GAN: variants seen among roughly 807,000 people sequenced by gnomAD.
GAN encodes the protein epididymis secretory sperm binding protein.
GAN carries 48 observed loss-of-function variants against 71.3 expected under a neutral mutation model. The ratio of observed to expected loss-of-function variants is 0.67; its 90% CI spans 0.53 to 0.86. The LOEUF (loss-of-function observed/expected upper bound fraction) is 0.86, where lower values mean the gene tolerates loss of function less well. Among genes scored for constraint, GAN ranks in the 40% least tolerant of loss-of-function variants. GAN has a pLI of 0.00. For missense variants in GAN, 928 were observed against 770.1 expected, an observed-to-expected ratio of 1.21 and a Z score of -2.43; for synonymous variants, 386 against 276.8, an observed-to-expected ratio of 1.39 and a Z score of -3.92.
chr16:81,364,504 C>T (rs866437710), intron 7 of GAN, among the ~76,000 whole-genome samples: 16 of 152,064 alleles, frequency 1.1e-4, no homozygotes, highest in Admixed American at 2.6e-4. Context: ...TAGGCTGAAG[C>T]GATCCCCCAT....
At chr16:81,327,508 G>A (rs988856405) in intron 1 of GAN, among the ~76,000 whole-genome samples, 9 of 152,158 alleles carry the variant, frequency 5.9e-5, no homozygotes, top group African/African-American at 2.2e-4. Flanking sequence ...TTAATGCTTC[G>A]GTTTGAACTA....
rs116049879 is a variant in GAN at position 81,319,332 on chromosome 16, G to C, written c.167+4052G>C. Among the ~76,000 whole-genome samples the C allele has an allele frequency of 7.0e-3, 1,055 of 151,766 alleles. 19 individuals are homozygous for C. Among genetic ancestry groups the C allele is most frequent in the African/African-American group, 0.024 (1,007 of 41,352 alleles). On this transcript the variant is annotated intron_variant, in intron 1 of 10. Coordinates refer to ENST00000648994, the MANE Select transcript of GAN (RefSeq NM_022041.4). ...GACCTTCTGGGGAAAGCTCCCTGCGGCTTGCAGGAAATTTATTTTTCTTTT... is the reference window on the plus strand; with the variant it reads ...GACCTTCTGGGGAAAGCTCCCTGCGCCTTGCAGGAAATTTATTTTTCTTTT...
intron 1 of GAN, among the ~76,000 whole-genome samples, chr16:81,350,303 G>A (rs1910256761): frequency 6.6e-6 from 1 of 152,144 alleles, no homozygotes; most frequent in South Asian, 2.1e-4. Flanking sequence ...GATAACCACA[G>A]TGAGATACCA....
At chr16:81,345,853 G>A (rs1910100980) in intron 1 of GAN, among the ~76,000 whole-genome samples, 1 of 152,196 alleles carries the variant, frequency 6.6e-6, no homozygotes, top group Admixed American at 6.5e-5. Context: ...CAGGAGTTCT[G>A]GGGATGGTTT....
chr16:81,328,293 A>T (rs1191579462), intron 1 of GAN, among the ~76,000 whole-genome samples: 1 of 152,212 alleles, frequency 6.6e-6, no homozygotes, highest in African/African-American at 2.4e-5. Context: ...TTTACCTGTT[A>T]TTTACAGTTC....
At chr16:81,350,073 G>C (rs972345433) in intron 1 of GAN, among the ~76,000 whole-genome samples, 4 of 151,764 alleles carry the variant, frequency 2.6e-5, no homozygotes, top group Non-Finnish European at 5.9e-5. Flanking sequence ...GTTTGTTTAA[G>C]AAGTCTTTTT....
chr16:81,369,489 T>C (rs1391101701), intron 9 of GAN, among the ~76,000 whole-genome samples: 1 of 152,270 alleles, frequency 6.6e-6, no homozygotes, highest in Non-Finnish European at 1.5e-5. Flanking sequence ...ATGTTATCAA[T>C]TTTAAAATGT....
At chr16:81,357,710 T>C in intron 4 of GAN, 100 bp from the exon 5 acceptor site, 2 of 1,154,842 alleles carry the variant, frequency 1.7e-6, no homozygotes, top group Admixed American at 1.7e-5. Flanking sequence ...TTTTAAAAAA[T>C]GTTTTAAATA....
At chr16:81,319,399 G>A (rs937280791) in intron 1 of GAN, among the ~76,000 whole-genome samples, 2 of 151,666 alleles carry the variant, frequency 1.3e-5, no homozygotes, top group African/African-American at 4.8e-5. Flanking sequence ...AGGCTCTTCC[G>A]ATTCTGGCAC....
At position 81,356,663 on chromosome 16, in the gene GAN, C is replaced by T. The variant is rs150387723; in HGVS notation, c.634-122C>T. On this transcript the variant is annotated intron_variant, in intron 3 of 10. Coordinates refer to ENST00000648994, the MANE Select transcript of GAN (RefSeq NM_022041.4). ...ATTCAAGCAGCACGAGTGTGTCTCA[C>T]TTGCCTGGTAATAACCTGAGTGTTA... 4 of 785,800 alleles carry T rather than the reference C, an allele frequency of 5.1e-6. 1 individual carries two copies. The highest frequency in any genetic ancestry group is 3.5e-5 in the Admixed American group (2 of 56,992). 48.7% of individuals were successfully genotyped at this position (785,800 alleles called of 1,614,324 possible).
intron 9 of GAN, among the ~76,000 whole-genome samples, chr16:81,373,289 C>A (rs554969804): frequency 9.9e-5 from 15 of 152,268 alleles, no homozygotes; most frequent in Non-Finnish European, 5.9e-5. Context: ...ACTCTTAAGA[C>A]CATTTAGATG....
Position 81,384,940 on chromosome 16 carries a change from A to T in GAN, c.*7344A>T, listed in dbSNP as rs1159349734. On this transcript the variant is annotated 3_prime_UTR_variant, in exon 11 of 11. Coordinates refer to ENST00000648994, the MANE Select transcript of GAN (RefSeq NM_022041.4). ...GATCTTGTAATAATGGCCCAGTTTCAGGGCACAGTTGTACACATTCTACTT... is the reference window on the plus strand; with the variant it reads ...GATCTTGTAATAATGGCCCAGTTTCTGGGCACAGTTGTACACATTCTACTT... 6.5e-6 allele frequency: 1 copy of T among 154,308 alleles called. No homozygotes were observed. Among genetic ancestry groups the T allele is most frequent in the Admixed American group, 6.5e-5 (1 of 15,282 alleles). The allele number at this position is 154,308 out of a possible 1,614,324, so 9.6% of individuals were successfully genotyped here.
intron 1 of GAN, among the ~76,000 whole-genome samples, chr16:81,350,765 C>G (rs921532498): frequency 6.6e-6 from 1 of 152,170 alleles, no homozygotes; most frequent in East Asian, 1.9e-4. Context: ...GTGAGCTACC[C>G]ACCTCGGCCT....
In GAN at chr16:81,363,785, T is replaced by C; in HGVS notation, c.1087-9T>C. ...CTTGTGTGTTCAGGGATCGCTAATGTAATTTCAGGCAAGACATAACTTCGG... is the reference window on the plus strand; with the variant it reads ...CTTGTGTGTTCAGGGATCGCTAATGCAATTTCAGGCAAGACATAACTTCGG... On this transcript the variant is annotated splice_polypyrimidine_tract_variant and intron_variant, in intron 6 of 10. Coordinates refer to ENST00000648994, the MANE Select transcript of GAN (RefSeq NM_022041.4). 1 of 1,612,890 alleles carries C rather than the reference T, an allele frequency of 6.2e-7. No homozygotes were observed. Among genetic ancestry groups the C allele is most frequent in the Non-Finnish European group, 8.5e-7 (1 of 1,178,858 alleles).
At chr16:81,323,385 G>C (rs1036779113) in intron 1 of GAN, among the ~76,000 whole-genome samples, 1 of 152,138 alleles carries the variant, frequency 6.6e-6, no homozygotes, top group African/African-American at 2.4e-5. Flanking sequence ...AGCAAAAGAG[G>C]TTACCATTTC....
intron 6 of GAN, among the ~76,000 whole-genome samples, chr16:81,363,549 T>TA (rs1910747744): frequency 6.6e-6 from 1 of 152,206 alleles, no homozygotes; most frequent in African/African-American, 2.4e-5. Flanking sequence ...GCAGGTTTGT[T>TA]ATGTGTGTAT....
At chr16:81,318,083 T>C (rs565976198) in intron 1 of GAN, among the ~76,000 whole-genome samples, 1 of 152,344 alleles carries the variant, frequency 6.6e-6, no homozygotes, top group Non-Finnish European at 1.5e-5. Flanking sequence ...TACTGGTAAT[T>C]TTAATACCAA....
chr16:81,364,649 A>T (rs1910788825), intron 7 of GAN, among the ~76,000 whole-genome samples: 1 of 152,168 alleles, frequency 6.6e-6, no homozygotes, highest in South Asian at 2.1e-4. Context: ...TGATGGCACC[A>T]CTGCACTCCA....
chr16:81,319,206 T>TTATATATATATATATA lies in GAN; in HGVS notation c.167+3930_167+3945dup, dbSNP rs57681055. 8.2e-3 allele frequency among the ~76,000 whole-genome samples: 1,139 copies of TTATATATATATATATA among 138,648 alleles called. 20 individuals carry two copies. The highest frequency in any genetic ancestry group is 0.036 in the Admixed American group (493 of 13,704). The allele number at this position is 138,648 out of a possible 152,430, so 91.0% of individuals were successfully genotyped here. On this transcript the variant is annotated intron_variant, in intron 1 of 10. Coordinates refer to ENST00000648994, the MANE Select transcript of GAN (RefSeq NM_022041.4). ...AAATTAAAAAAAAAATAGATATAGA[T>TTATATATATATATATA]TATATATATATATATATATCTAACA...
Sources: allele counts gnomAD v4.1 joint callset (sites outside exome capture counted in the v4.1 genomes callset), GRCh38; gene constraint gnomAD v4.1.1; transcripts MANE v1.5; gene names NCBI Gene and HGNC (gene_info 2026-07-23, HGNC 2026-07-21).